The following DPY19L4 variants were observed in gnomAD, a reference collection of about 807,000 sequenced individuals.
DPY19L4 encodes probable C-mannosyltransferase DPY19L4.
Under a neutral mutation model 102.8 loss-of-function variants are expected in DPY19L4, and 97 were observed. That is an observed-to-expected ratio of 0.94 (90% CI 0.80 to 1.12). The LOEUF is 1.12. Among genes scored for constraint, DPY19L4 ranks in the 50% most tolerant of loss-of-function variants. The pLI is 0.00. For synonymous variants in DPY19L4, 252 were observed against 283.1 expected (o/e 0.89, Z 1.10); for missense variants, 815 against 850.4 (o/e 0.96, Z 0.52).
intron 7 of DPY19L4, among the ~76,000 whole-genome samples, chr8:94,758,300 T>C (rs1213102100): frequency 1.3e-5 from 2 of 152,154 alleles, no homozygotes; most frequent in Non-Finnish European, 2.9e-5. Flanking sequence ...CATAATACCT[T>C]GTCAAAGTCA....
intron 8 of DPY19L4, among the ~76,000 whole-genome samples, chr8:94,764,689 G>GTGTGTGTGTGTGTGTGTGTGTGTGTATA (rs1415377058): frequency 2.3e-5 from 1 of 43,206 alleles, no homozygotes; most frequent in African/African-American, 1.1e-4. Context: ...GTCTGTGTGT[G>GTGTGTGTGTGTGTGTGTGTGTGTGTATA]TATATATATA....
chr8:94,732,763 A>G (rs1811017308), intron 2 of DPY19L4, among the ~76,000 whole-genome samples: 1 of 150,422 alleles, frequency 6.6e-6, no homozygotes, highest in Non-Finnish European at 1.5e-5. Flanking sequence ...TTACTTTTTA[A>G]TATTCATAGA....
rs1282624523 is a variant in DPY19L4 at position 94,739,430 on chromosome 8, C to T, written c.361C>T (p.His121Tyr). The change falls in exon 5 of 19, where the codon CAC becomes TAC. Residue 121 changes from histidine to tyrosine, a missense_variant. Physicochemically the swap from His to Tyr is moderately conservative, Grantham distance 83. Transcript: ENST00000414645. Reference sequence around the variant, plus strand: ...GTCTTTAGGTGTTTACGAACTGACACACAATAACAAAACTGTATCTCTGAA... The same window carrying T: ...GTCTTTAGGTGTTTACGAACTGACATACAATAACAAAACTGTATCTCTGAA... ...SFERGVYELT[H>Y]NNKTVSLKTI... 4 of 1,585,974 alleles carry T rather than the reference C, an allele frequency of 2.5e-6. No homozygotes were observed. The highest frequency in any genetic ancestry group is 3.4e-6 in the Non-Finnish European group (4 of 1,171,160).
At position 94,765,707 on chromosome 8, in the gene DPY19L4, A is replaced by G; in HGVS notation, c.1003-4A>G. The G allele has an allele frequency of 1.9e-6, 3 of 1,578,156 alleles. No individual in the cohort carries two copies. The highest frequency in any genetic ancestry group is 2.3e-5 in the South Asian group (2 of 87,372). The stretch of plus-strand genomic sequence containing the variant: ...TCTTTGTTCATATGATTTTTCCTCC[A>G]CAGCTGAATGTGAAGAAAGGAAGTT... On this transcript the variant is annotated splice_polypyrimidine_tract_variant and splice_region_variant and intron_variant, in intron 9 of 18. Coordinates refer to ENST00000414645, the MANE Select transcript of DPY19L4 (RefSeq NM_181787.3).
intron 1 of DPY19L4, among the ~76,000 whole-genome samples, chr8:94,724,538 T>C (rs1161744027): frequency 4.6e-5 from 7 of 152,196 alleles, no homozygotes; most frequent in Non-Finnish European, 1.0e-4. Context: ...ACAGAAATAC[T>C]CAAAGTCTGG....
In DPY19L4 at chr8:94,761,715, T is replaced by C. The variant is rs764019092; in HGVS notation, c.751T>C (p.Leu251=). 64 of 1,599,730 alleles carry C rather than the reference T, an allele frequency of 4.0e-5. No individual in the cohort carries two copies. The highest frequency in any genetic ancestry group is 5.3e-5 in the Non-Finnish European group (62 of 1,175,554). ...TTTTCCCTAGAGGTTTTGCTACTTGTTGATGAGTGCTTCAACTTACACATT... is the reference window on the plus strand; with the variant it reads ...TTTTCCCTAGAGGTTTTGCTACTTGCTGATGAGTGCTTCAACTTACACATT... ...NTYGERFCYL[L]MSASTYTFMM... The change falls in exon 8 of 19, where the codon TTG becomes CTG. Residue 251 remains leucine (L), a synonymous_variant. Coordinates refer to ENST00000414645, the MANE Select transcript of DPY19L4 (RefSeq NM_181787.3).
chr8:94,753,706 A>G (rs142667830), intron 6 of DPY19L4, among the ~76,000 whole-genome samples: 1,841 of 152,174 alleles, frequency 0.012, 23 homozygotes, highest in Non-Finnish European at 0.019. Flanking sequence ...CCTCATCTCT[A>G]CTAAAAATAC....
chr8:94,780,723 A>G (rs1229734542), intron 15 of DPY19L4, among the ~76,000 whole-genome samples: 1 of 152,182 alleles, frequency 6.6e-6, no homozygotes, highest in Non-Finnish European at 1.5e-5. Flanking sequence ...CCAAAACTTT[A>G]TCATCTATGA....
At chr8:94,783,112 G>A (rs1327578928) in intron 16 of DPY19L4, among the ~76,000 whole-genome samples, 2 of 149,706 alleles carry the variant, frequency 1.3e-5, no homozygotes, top group Admixed American at 1.3e-4. Context: ...ACAGCCCTTT[G>A]GGACCTGCTT....
intron 6 of DPY19L4, among the ~76,000 whole-genome samples, chr8:94,750,254 T>A (rs141253280): frequency 1.4e-3 from 212 of 152,256 alleles, no homozygotes; most frequent in Non-Finnish European, 2.6e-3. Context: ...TTTTAAAAAA[T>A]TATTTGTCAT....
At chr8:94,735,307 GT>G (rs1811145125) in intron 3 of DPY19L4, among the ~76,000 whole-genome samples, 2 of 152,096 alleles carry the variant, frequency 1.3e-5, no homozygotes, top group South Asian at 4.1e-4. Context: ...GCTTTGTAGA[GT>G]TTTTTAATTT....
intron 12 of DPY19L4, among the ~76,000 whole-genome samples, chr8:94,769,628 G>T (rs943343942): frequency 6.6e-6 from 1 of 151,774 alleles, no homozygotes; most frequent in African/African-American, 2.4e-5. Context: ...GACGCAGGAG[G>T]ATTGCTTGAG....
intron 7 of DPY19L4, among the ~76,000 whole-genome samples, chr8:94,758,825 C>G (rs1022524769): frequency 2.6e-5 from 4 of 151,926 alleles, no homozygotes; most frequent in Non-Finnish European, 5.9e-5. Flanking sequence ...ACCTCCGCCT[C>G]CCAAGTTCAA....
chr8:94,781,962 A>T (rs1206430633), intron 16 of DPY19L4, among the ~76,000 whole-genome samples: 1 of 152,212 alleles, frequency 6.6e-6, no homozygotes, highest in Non-Finnish European at 1.5e-5. Context: ...GTTATACAGG[A>T]TTCCATAAGT....
chr8:94,762,552 T>G (rs1263521710), intron 8 of DPY19L4, among the ~76,000 whole-genome samples: 1 of 152,030 alleles, frequency 6.6e-6, no homozygotes, highest in Non-Finnish European at 1.5e-5. Flanking sequence ...AGTTTGGAGC[T>G]AAGAGAGTTA....
At chr8:94,746,054 A>ATT (rs35095979) in intron 6 of DPY19L4, among the ~76,000 whole-genome samples, 1,542 of 67,096 alleles carry the variant, frequency 0.023, 87 homozygotes, top group African/African-American at 0.059. Flanking sequence ...ATGCCTGGCC[A>ATT]TTTTTTTTTT....
intron 13 of DPY19L4, 54 bp downstream of exon 13, chr8:94,770,625 C>G: frequency 6.2e-7 from 1 of 1,602,168 alleles, no homozygotes. Flanking sequence ...TGGCTGAGTG[C>G]GGTGACTCAC....
chr8:94,788,564 G>C lies in DPY19L4; in HGVS notation c.2007+512G>C, dbSNP rs151090896. ...CCATGTTAGTTGTTAGGACTTGGCTGTATCTTAATTTCTATATTGATTTCG... is the reference window on the plus strand; with the variant it reads ...CCATGTTAGTTGTTAGGACTTGGCTCTATCTTAATTTCTATATTGATTTCG... On this transcript the variant is annotated intron_variant, in intron 18 of 18. Transcript: ENST00000414645. Among the ~76,000 whole-genome samples, 43 of 152,320 alleles carry C rather than the reference G, an allele frequency of 2.8e-4. No individual in the cohort carries two copies. The East Asian group carries it at 6.0e-3, about 21-fold the overall frequency.
intron 14 of DPY19L4, 51 bp downstream of exon 14, chr8:94,777,837 C>T: frequency 6.4e-7 from 1 of 1,552,694 alleles, no homozygotes; most frequent in Non-Finnish European, 8.7e-7. Context: ...AAATCAAATG[C>T]TAATAAATGG....
Sources: gnomAD v4.1 joint callset for allele counts (sites outside exome capture counted in the v4.1 genomes callset) on GRCh38, gnomAD v4.1.1 for gene constraint, MANE v1.5 for transcripts, NCBI Gene and HGNC (gene_info 2026-07-23, HGNC 2026-07-21) for gene names.